The following NALF1 variants were observed in gnomAD, a reference collection of about 807,000 sequenced individuals.
NALF1 encodes the protein family with sequence similarity 155 member A.
A neutral mutation model predicts 48.4 loss-of-function variants in NALF1; 3 were observed. The observed-to-expected ratio is 0.06, with a 90% CI of 0.03 to 0.16. The LOEUF is 0.16. Among genes scored for constraint, NALF1 ranks in the 10% least tolerant of loss-of-function variants. The pLI is 1.00. For missense variants in NALF1, 526 were observed against 571.5 expected (o/e 0.92, Z 0.81); for synonymous variants, 262 against 245.7 (o/e 1.07, Z -0.62).
intron 1 of NALF1, among the ~76,000 whole-genome samples, chr13:107,386,002 G>T (rs1883524548): frequency 1.3e-5 from 2 of 152,132 alleles, no homozygotes; most frequent in African/African-American, 2.4e-5. Context: ...ATCTTGAAAT[G>T]GGTGAGGATA....
intron 1 of NALF1, among the ~76,000 whole-genome samples, chr13:107,515,711 T>C (rs1010093076): frequency 6.6e-6 from 1 of 152,240 alleles, no homozygotes; most frequent in South Asian, 2.1e-4. Context: ...TTCACAACCC[T>C]GTACATTACG....
chr13:107,515,715 C>T lies in NALF1; in HGVS notation c.916-304960G>A, dbSNP rs750304461. On this transcript the variant is annotated intron_variant, in intron 1 of 2. Coordinates refer to ENST00000375915, the MANE Select transcript of NALF1 (RefSeq NM_001080396.3). ...TTGTCAGCATCTTCACAACCCTGTA[C>T]ATTACGTTTCCCACACCCTAGGAGC... Among the ~76,000 whole-genome samples, 16 of 152,330 alleles carry T rather than the reference C, an allele frequency of 1.1e-4. No homozygotes were observed. In the South Asian group the frequency reaches 2.9e-3, roughly 28 times the overall value.
chr13:107,589,706 A>G (rs997190405), intron 1 of NALF1, among the ~76,000 whole-genome samples: 1 of 152,118 alleles, frequency 6.6e-6, no homozygotes, highest in Non-Finnish European at 1.5e-5. Context: ...ACATGAAATT[A>G]GAATATTTCC....
At chr13:107,180,053 A>T (rs1220970569) in intron 2 of NALF1, among the ~76,000 whole-genome samples, 1 of 150,818 alleles carries the variant, frequency 6.6e-6, no homozygotes, top group Non-Finnish European at 1.5e-5. Context: ...TGATGAGATT[A>T]TTATGCATTA....
At chr13:107,202,703 C>T (rs1297939997) in intron 2 of NALF1, among the ~76,000 whole-genome samples, 1 of 152,136 alleles carries the variant, frequency 6.6e-6, no homozygotes, top group African/African-American at 2.4e-5. Flanking sequence ...GTTGAGAAAT[C>T]AGGACATGTT....
intron 2 of NALF1, among the ~76,000 whole-genome samples, chr13:107,191,668 T>TC (rs1220824772): frequency 6.8e-5 from 10 of 147,146 alleles, no homozygotes; most frequent in African/African-American, 2.5e-4. Context: ...TTAAAATTCT[T>TC]AATTTTTTTT....
chr13:107,769,244 T>C (rs1297807883), intron 1 of NALF1, among the ~76,000 whole-genome samples: 1 of 148,908 alleles, frequency 6.7e-6, no homozygotes, highest in Non-Finnish European at 1.5e-5. Context: ...TGCACACGTA[T>C]GTTTACTGCA....
intron 1 of NALF1, among the ~76,000 whole-genome samples, chr13:107,325,030 T>C (rs968884434): frequency 6.6e-6 from 1 of 152,158 alleles, no homozygotes; most frequent in Non-Finnish European, 1.5e-5. Flanking sequence ...TGCAATCCAC[T>C]CCCTCCTGCC....
At chr13:107,191,463 A>G (rs1319713024) in intron 2 of NALF1, among the ~76,000 whole-genome samples, 6 of 152,194 alleles carry the variant, frequency 3.9e-5, no homozygotes, top group Non-Finnish European at 8.8e-5. Flanking sequence ...TTCAAAAAAT[A>G]TATCTGAAAG....
At chr13:107,224,971 A>C (rs114859483) in intron 1 of NALF1, among the ~76,000 whole-genome samples, 1,528 of 151,672 alleles carry the variant, frequency 0.01, 36 homozygotes, top group African/African-American at 0.035. Context: ...CTAAGTGGGA[A>C]TATTCAGGTA....
chr13:107,553,203 C>T (rs11841845), intron 1 of NALF1, among the ~76,000 whole-genome samples: 6,779 of 152,216 alleles, frequency 0.045, 267 homozygotes, highest in African/African-American at 0.11. Context: ...TTTAGAAACG[C>T]ATTGCTAAAT....
At chr13:107,278,074 C>T (rs1441096614) in intron 1 of NALF1, among the ~76,000 whole-genome samples, 2 of 152,200 alleles carry the variant, frequency 1.3e-5, no homozygotes, top group Non-Finnish European at 2.9e-5. Flanking sequence ...ACAGGATGTT[C>T]AGACATGGAT....
At chr13:107,477,796 G>A (rs1191942800) in intron 1 of NALF1, among the ~76,000 whole-genome samples, 7 of 151,958 alleles carry the variant, frequency 4.6e-5, no homozygotes, top group African/African-American at 1.5e-4. Context: ...AAAGGTGTAT[G>A]TCTTCTTCCA....
chr13:107,641,121 G>C (rs1055835570), intron 1 of NALF1, among the ~76,000 whole-genome samples: 7 of 152,128 alleles, frequency 4.6e-5, no homozygotes, highest in Admixed American at 1.3e-4. Flanking sequence ...GGATGCAACT[G>C]GAGGTGATTA....
At chr13:107,367,913 T>C (rs1366016382) in intron 1 of NALF1, among the ~76,000 whole-genome samples, 1 of 152,184 alleles carries the variant, frequency 6.6e-6, no homozygotes, top group Non-Finnish European at 1.5e-5. Context: ...AGGGACATCT[T>C]TCTGAAGATG....
intron 1 of NALF1, among the ~76,000 whole-genome samples, chr13:107,428,220 C>T (rs1396412793): frequency 6.6e-6 from 1 of 152,152 alleles, no homozygotes; most frequent in Non-Finnish European, 1.5e-5. Context: ...TTAAGCCCTG[C>T]AACAGCTCTG....
intron 1 of NALF1, among the ~76,000 whole-genome samples, chr13:107,588,344 G>A (rs1266357119): frequency 6.6e-6 from 1 of 152,130 alleles, no homozygotes; most frequent in East Asian, 1.9e-4. Flanking sequence ...ATGTTGGAGA[G>A]TCTGGAAAGA....
At chr13:107,490,760 G>A (rs1885402840) in intron 1 of NALF1, among the ~76,000 whole-genome samples, 1 of 151,778 alleles carries the variant, frequency 6.6e-6, no homozygotes, top group Non-Finnish European at 1.5e-5. Context: ...ACACACTTGG[G>A]GTTTACTCTT....
chr13:107,573,136 G>A (rs1396953188), intron 1 of NALF1, among the ~76,000 whole-genome samples: 1 of 152,142 alleles, frequency 6.6e-6, no homozygotes, highest in Non-Finnish European at 1.5e-5. Flanking sequence ...TTATCCTCCT[G>A]TGCTATGTTG....
Sources: gnomAD v4.1 joint callset for allele counts (sites outside exome capture counted in the v4.1 genomes callset) on GRCh38, gnomAD v4.1.1 for gene constraint, MANE v1.5 for transcripts, NCBI Gene and HGNC (gene_info 2026-07-23, HGNC 2026-07-21) for gene names.